ZNF704: variants seen among roughly 807,000 people sequenced by gnomAD.
ZNF704 encodes the protein zinc finger protein 704.
ZNF704 carries 10 observed loss-of-function variants against 44.7 expected under a neutral mutation model. The observed-to-expected ratio is 0.22, with a 90% CI of 0.14 to 0.38. The LOEUF is 0.38. Ranked by LOEUF, ZNF704 falls within the 10% of genes least tolerant of loss-of-function variation. The pLI is 1.00. For synonymous variants in ZNF704, 211 were observed against 207.6 expected, an observed-to-expected ratio of 1.02 and a Z score of -0.14; for missense variants, 390 against 545.5, an observed-to-expected ratio of 0.71 and a Z score of 2.84.
At chr8:80,835,876 G>T (rs1808550528) in intron 1 of ZNF704, among the ~76,000 whole-genome samples, 1 of 152,134 alleles carries the variant, frequency 6.6e-6, no homozygotes, top group South Asian at 2.1e-4. Context: ...CCCAATCCAT[G>T]TAGAAATCCT....
chr8:80,650,980 A>G (rs990022716), intron 7 of ZNF704, among the ~76,000 whole-genome samples: 2 of 152,216 alleles, frequency 1.3e-5, no homozygotes, highest in South Asian at 4.1e-4. Flanking sequence ...AGCAGAAACT[A>G]TACAAGCCAG....
intron 2 of ZNF704, among the ~76,000 whole-genome samples, chr8:80,783,382 T>C (rs1012039037): frequency 1.3e-5 from 2 of 152,184 alleles, no homozygotes; most frequent in East Asian, 3.8e-4. Flanking sequence ...GTTTGTTACA[T>C]GGGTAAATGT....
chr8:80,795,238 C>G (rs1586032831), intron 2 of ZNF704, among the ~76,000 whole-genome samples: 1 of 152,144 alleles, frequency 6.6e-6, no homozygotes, highest in African/African-American at 2.4e-5. Context: ...TGGAACCTGC[C>G]TTTTTCTGTT....
intron 2 of ZNF704, among the ~76,000 whole-genome samples, chr8:80,774,931 T>C (rs1205763496): frequency 6.6e-6 from 1 of 152,210 alleles, no homozygotes; most frequent in Non-Finnish European, 1.5e-5. Flanking sequence ...CCCATGAAAC[T>C]TACTGCTATG....
chr8:80,750,116 T>C (rs1049072199), intron 2 of ZNF704, among the ~76,000 whole-genome samples: 1 of 152,154 alleles, frequency 6.6e-6, no homozygotes, highest in African/African-American at 2.4e-5. Flanking sequence ...GTTCAGGATA[T>C]TCCTGCCTGC....
chr8:80,719,030 T>C (rs1819120522), intron 2 of ZNF704, among the ~76,000 whole-genome samples: 1 of 152,102 alleles, frequency 6.6e-6, no homozygotes, highest in African/African-American at 2.4e-5. Flanking sequence ...AGTGGCATGA[T>C]CATGGCTTGC....
chr8:80,851,447 T>C (rs1037363219), intron 1 of ZNF704, among the ~76,000 whole-genome samples: 2 of 151,840 alleles, frequency 1.3e-5, no homozygotes, highest in African/African-American at 4.8e-5. Context: ...CTGGAAACTA[T>C]CACATTCTCA....
intron 2 of ZNF704, among the ~76,000 whole-genome samples, chr8:80,801,631 C>A (rs572716677): frequency 6.6e-6 from 1 of 152,116 alleles, no homozygotes. Flanking sequence ...AACAAAGAGA[C>A]AACACATCAG....
intron 4 of ZNF704, among the ~76,000 whole-genome samples, chr8:80,675,283 G>A (rs1050291966): frequency 8.5e-5 from 13 of 152,196 alleles, no homozygotes; most frequent in African/African-American, 3.1e-4. Context: ...GCCTCTTGGA[G>A]GCCAGAAAGA....
intron 2 of ZNF704, among the ~76,000 whole-genome samples, chr8:80,802,658 C>T (rs531619507): frequency 1.3e-5 from 2 of 152,192 alleles, no homozygotes; most frequent in African/African-American, 4.8e-5. Context: ...GTTAAAAACT[C>T]TCAATAAACT....
intron 6 of ZNF704, 86 bp from the exon 7 acceptor site, chr8:80,659,775 G>C: frequency 8.3e-7 from 1 of 1,206,308 alleles, no homozygotes; most frequent in Non-Finnish European, 1.2e-6. Context: ...GAGGACCTCA[G>C]AAATGGTCTC....
chr8:80,860,550 T>A (rs1254192182), intron 1 of ZNF704, among the ~76,000 whole-genome samples: 1 of 152,206 alleles, frequency 6.6e-6, no homozygotes, highest in East Asian at 1.9e-4. Context: ...TACCAAATAT[T>A]TTTGTCAAAA....
intron 2 of ZNF704, among the ~76,000 whole-genome samples, chr8:80,778,502 C>G (rs1807452534): frequency 6.6e-6 from 1 of 152,182 alleles, no homozygotes; most frequent in Admixed American, 6.5e-5. Context: ...AGTCCCATTA[C>G]TGGGTATATA....
intron 2 of ZNF704, among the ~76,000 whole-genome samples, chr8:80,723,890 G>A (rs994756893): frequency 6.6e-6 from 1 of 152,180 alleles, no homozygotes; most frequent in Admixed American, 6.5e-5. Flanking sequence ...ATGTTCAACT[G>A]TTCCAACATT....
At chr8:80,852,686 C>A (rs1419038908) in intron 1 of ZNF704, among the ~76,000 whole-genome samples, 1 of 152,132 alleles carries the variant, frequency 6.6e-6, no homozygotes, top group Non-Finnish European at 1.5e-5. Flanking sequence ...AGAGGATTGC[C>A]CTCTTCCTAC....
chr8:80,665,961 A>ATTT (rs1818185043), intron 5 of ZNF704, among the ~76,000 whole-genome samples: 2 of 149,278 alleles, frequency 1.3e-5, no homozygotes, highest in African/African-American at 5.1e-5. Flanking sequence ...TTTATTTTTT[A>ATTT]TTTATTTATT....
chr8:80,687,287 C>A lies in ZNF704; in HGVS notation c.497G>T (p.Gly166Val). 1 of 1,613,138 alleles carries A rather than the reference C, an allele frequency of 6.2e-7. No homozygotes were observed. The highest frequency in any genetic ancestry group is 8.5e-7 in the Non-Finnish European group (1 of 1,179,838). The change falls in exon 4 of 9, where the codon GGC becomes GTC. Residue 166 changes from glycine (G) to valine (V), a missense_variant. Around this residue, in one of 3 missense-constraint regions of ZNF704, gnomAD observed 305 missense variants for 435.7 expected, o/e 0.70. Transcript: ENST00000327835. ...PFRSPAQPDD[G>V]IDEAEASNLL... The stretch of plus-strand genomic sequence containing the variant: ...GTTGCTGGCCTCCGCCTCGTCGATG[C>A]CGTCGTCTGGCTGCGCGGGGCTGCG...
intron 7 of ZNF704, among the ~76,000 whole-genome samples, chr8:80,655,972 T>C (rs1746362278): frequency 6.6e-6 from 1 of 152,286 alleles, no homozygotes. Flanking sequence ...ATAGATCGAA[T>C]GTTTGTGTCC....
chr8:80,665,255 T>A (rs1048186706), intron 5 of ZNF704, among the ~76,000 whole-genome samples, 173 bp from the exon 6 acceptor site: 9 of 152,190 alleles, frequency 5.9e-5, no homozygotes, highest in Non-Finnish European at 1.0e-4. Flanking sequence ...AGGGAACCCT[T>A]CCTTGATGTC....
Sources: allele counts gnomAD v4.1 joint callset (sites outside exome capture counted in the v4.1 genomes callset), GRCh38; gene constraint gnomAD v4.1.1; regional missense constraint gnomAD v4.1.1; transcripts MANE v1.5; gene names NCBI Gene and HGNC (gene_info 2026-07-23, HGNC 2026-07-21).